SUCLG2: variants seen among roughly 807,000 people sequenced by gnomAD.
The protein encoded by SUCLG2 is succinate-CoA ligase GDP-forming subunit beta.
Under a neutral mutation model 47.9 loss-of-function variants are expected in SUCLG2, and 42 were observed. The ratio of observed to expected loss-of-function variants is 0.88; its 90% CI spans 0.69 to 1.14. SUCLG2 has a LOEUF of 1.14. Ranked by LOEUF, SUCLG2 falls within the 50% of genes most tolerant of loss-of-function variation. SUCLG2 has a pLI of 0.00. For synonymous variants in SUCLG2, 195 were observed against 197.3 expected, an observed-to-expected ratio of 0.99 and a Z score of 0.10; for missense variants, 571 against 525.9, an observed-to-expected ratio of 1.09 and a Z score of -0.84.
At chr3:67,631,233 C>G (rs1700919872) in intron 1 of SUCLG2, among the ~76,000 whole-genome samples, 1 of 152,164 alleles carries the variant, frequency 6.6e-6, no homozygotes, top group Admixed American at 6.5e-5. Context: ...CCCTGCTAGT[C>G]GTCCTCACTG....
At chr3:67,490,944 A>G (rs970053193) in intron 9 of SUCLG2, among the ~76,000 whole-genome samples, 18 of 152,234 alleles carry the variant, frequency 1.2e-4, no homozygotes, top group Non-Finnish European at 1.9e-4. Context: ...AAAGTAAAAG[A>G]TAACAAATGC....
intron 1 of SUCLG2, among the ~76,000 whole-genome samples, chr3:67,636,169 A>C (rs988413696): frequency 1.3e-5 from 2 of 152,108 alleles, no homozygotes; most frequent in Non-Finnish European, 2.9e-5. Context: ...TTCCAAGCAG[A>C]AACTCCAAAG....
intron 9 of SUCLG2, among the ~76,000 whole-genome samples, chr3:67,407,770 T>C (rs200213351): frequency 6.6e-6 from 1 of 151,894 alleles, no homozygotes; most frequent in East Asian, 1.9e-4. Flanking sequence ...TAAGGACTTT[T>C]TTAAAAAAAT....
intron 9 of SUCLG2, among the ~76,000 whole-genome samples, chr3:67,466,253 T>C (rs1292227878): frequency 6.6e-6 from 1 of 152,174 alleles, no homozygotes; most frequent in African/African-American, 2.4e-5. Context: ...CTCAGGAGGC[T>C]GAGGCAAGAT....
intron 10 of SUCLG2, among the ~76,000 whole-genome samples, chr3:67,384,461 C>A (rs757387651): frequency 4.6e-5 from 7 of 152,200 alleles, no homozygotes; most frequent in Admixed American, 1.3e-4. Context: ...TGCTTCAACA[C>A]TACAATGGCA....
intron 2 of SUCLG2, among the ~76,000 whole-genome samples, chr3:67,543,658 C>T (rs1706779864): frequency 6.6e-6 from 1 of 152,128 alleles, no homozygotes; most frequent in Non-Finnish European, 1.5e-5. Context: ...GAGTGAGACC[C>T]TGTCTCAAAA....
At chr3:67,652,131 G>A (rs1351698502) in intron 1 of SUCLG2, among the ~76,000 whole-genome samples, 9 of 145,480 alleles carry the variant, frequency 6.2e-5, no homozygotes. Context: ...TCAATCAAAA[G>A]TCAAAACAGT....
At chr3:67,457,313 C>T (rs1209505901) in intron 9 of SUCLG2, among the ~76,000 whole-genome samples, 1 of 151,646 alleles carries the variant, frequency 6.6e-6, no homozygotes, top group Non-Finnish European at 1.5e-5. Flanking sequence ...ATTTCCTTCT[C>T]CTAAAAATGT....
At position 67,411,951 on chromosome 3, in the gene SUCLG2, T is replaced by G. The variant is rs536243369; in HGVS notation, c.1063-11100A>C. On this transcript the variant is annotated intron_variant, in intron 9 of 10. Transcript: ENST00000307227. ...TGAATTAGGGCTCCTCTGAAATCCC[T>G]GGGCAGGGCTGGTGCCTGGTAATAT... Among the ~76,000 whole-genome samples the G allele has an allele frequency of 5.4e-3, 827 of 152,296 alleles. 5 individuals are homozygous for G. Among genetic ancestry groups the G allele is most frequent in the Non-Finnish European group, 9.2e-3 (626 of 68,020 alleles).
At chr3:67,620,504 G>A (rs1186501109) in intron 1 of SUCLG2, among the ~76,000 whole-genome samples, 1 of 147,502 alleles carries the variant, frequency 6.8e-6, no homozygotes, top group Admixed American at 6.9e-5. Flanking sequence ...AGAACAGCTT[G>A]AACGCAGGAG....
Position 67,516,833 on chromosome 3 carries a change from C to G in SUCLG2, c.660+1414G>C, listed in dbSNP as rs145242375. 1.3e-3 allele frequency among the ~76,000 whole-genome samples: 204 copies of G among 152,298 alleles called. 6 individuals carry two copies. Among genetic ancestry groups the G allele is most frequent in the East Asian group, 0.012 (62 of 5,176 alleles). ...TGCAACTCTGGAGCTGACTGCCAGACAGTGCAGCTAGACCACAGTGGCTGT... is the reference window on the plus strand; with the variant it reads ...TGCAACTCTGGAGCTGACTGCCAGAGAGTGCAGCTAGACCACAGTGGCTGT... On this transcript the variant is annotated intron_variant, in intron 6 of 10. Coordinates refer to ENST00000307227, the MANE Select transcript of SUCLG2 (RefSeq NM_003848.4).
intron 1 of SUCLG2, among the ~76,000 whole-genome samples, chr3:67,648,450 T>C (rs1701230440): frequency 6.6e-6 from 1 of 152,200 alleles, no homozygotes; most frequent in South Asian, 2.1e-4. Context: ...ACTGCCTAGT[T>C]CAGCCCAACT....
At chr3:67,438,682 A>G (rs1239813324) in intron 9 of SUCLG2, among the ~76,000 whole-genome samples, 2 of 152,222 alleles carry the variant, frequency 1.3e-5, no homozygotes, top group African/African-American at 4.8e-5. Context: ...CCAAGACTAA[A>G]GCAGGAAGAA....
chr3:67,636,330 A>C (rs991956237), intron 1 of SUCLG2, among the ~76,000 whole-genome samples: 1 of 152,086 alleles, frequency 6.6e-6, no homozygotes, highest in Non-Finnish European at 1.5e-5. Context: ...AAGAGGTAGG[A>C]AAATGGACAC....
At chr3:67,529,306 T>C (rs1706339672) in intron 2 of SUCLG2, 120 bp from the exon 3 acceptor site, 3 of 700,088 alleles carry the variant, frequency 4.3e-6, no homozygotes. Context: ...TCTCTCAAAC[T>C]AACTTTGAAA....
At chr3:67,635,246 A>C (rs1432279038) in intron 1 of SUCLG2, among the ~76,000 whole-genome samples, 2 of 152,222 alleles carry the variant, frequency 1.3e-5, no homozygotes, top group African/African-American at 4.8e-5. Flanking sequence ...TTAAAAATTC[A>C]TATCAAATTC....
At chr3:67,597,454 C>T (rs1017795777) in intron 2 of SUCLG2, among the ~76,000 whole-genome samples, 1 of 152,138 alleles carries the variant, frequency 6.6e-6, no homozygotes, top group Non-Finnish European at 1.5e-5. Flanking sequence ...ATGGAATTCA[C>T]ACTACAGTCC....
chr3:67,535,181 C>T (rs1005914118), intron 2 of SUCLG2, among the ~76,000 whole-genome samples: 1 of 151,200 alleles, frequency 6.6e-6, no homozygotes, highest in Admixed American at 6.6e-5. Context: ...CATGTCTCCC[C>T]CTGATTTTCA....
intron 10 of SUCLG2, among the ~76,000 whole-genome samples, chr3:67,379,275 G>A (rs940892401): frequency 5.9e-5 from 9 of 152,074 alleles, no homozygotes; most frequent in Admixed American, 2.6e-4. Flanking sequence ...CTGCAGAGAC[G>A]TAGACTAGGC....
Sources: allele counts gnomAD v4.1 joint callset (sites outside exome capture counted in the v4.1 genomes callset), GRCh38; gene constraint gnomAD v4.1.1; transcripts MANE v1.5; gene names NCBI Gene and HGNC (gene_info 2026-07-23, HGNC 2026-07-21).